GPR179: variants seen among roughly 807,000 people sequenced by gnomAD.
The protein encoded by GPR179 is probable G protein-coupled receptor 179.
In GPR179, 52 loss-of-function variants were observed where a neutral mutation model predicts 70.8. The ratio of observed to expected loss-of-function variants is 0.73; its 90% CI spans 0.59 to 0.93. GPR179 has a LOEUF of 0.93. GPR179 is among the 40% of genes least tolerant of loss of function. The probability of loss-of-function intolerance (pLI) is 0.00; values close to 1 mark genes in which losing one functional copy is unlikely to be tolerated. For synonymous variants in GPR179, 1,123 were observed against 1,169.0 expected (o/e 0.96, Z 0.80); for missense variants, 2,734 against 2,966.8 (o/e 0.92, Z 1.82).
chr17:38,337,534 C>G, intron 3 of GPR179, 99 bp downstream of exon 3: 1 of 1,066,318 alleles, frequency 9.4e-7, no homozygotes, highest in East Asian at 2.4e-5. Context: ...CAAGTTCCCT[C>G]CCAGTGTCTC....
rs768245694 is a variant in GPR179, at chr17:38,329,137, T to C, written c.4432A>G (p.Ile1478Val). The C allele has an allele frequency of 3.7e-6, 6 of 1,613,946 alleles. No homozygotes were observed. The highest frequency in any genetic ancestry group is 4.2e-6 in the Non-Finnish European group (5 of 1,179,994). ...TTATCATCCAGCTCCCAGGGACAGA[T>C]CTCTGCTTTCTGGATAGCAGGAGCA... ...GDAPAIQKAE[I>V]CPWELDDNVM... The change falls in exon 11 of 11, where the codon ATC becomes GTC. Residue 1478 changes from isoleucine to valine, a missense_variant. Transcript: ENST00000616987.
Position 38,336,094 on chromosome 17 carries a change from G to A in GPR179, c.1278C>T (p.Phe426=). Residue 426 remains phenylalanine (F), a synonymous_variant, in exon 5 of 11, where the codon TTC becomes TTT. Coordinates refer to ENST00000616987, the MANE Select transcript of GPR179 (RefSeq NM_001004334.4). ...VVLLETVLFG[F]LLLYFPVFIL... Reference sequence around the variant, plus strand: ...GACTCACAGGAAAGTAAAGCAGCAGGAATCCAAAAAGGACAGTTTCCAGCA... The same window carrying A: ...GACTCACAGGAAAGTAAAGCAGCAGAAATCCAAAAAGGACAGTTTCCAGCA... The A allele has an allele frequency of 6.2e-7, 1 of 1,613,396 alleles. No individual in the cohort carries two copies. Among genetic ancestry groups the A allele is most frequent in the Non-Finnish European group, 8.5e-7 (1 of 1,179,360 alleles).
Position 38,343,437 on chromosome 17 carries a change from A to G in GPR179, c.353T>C (p.Ile118Thr), listed in dbSNP as rs2037468172. The G allele has an allele frequency of 6.2e-7, 1 of 1,613,954 alleles. No homozygotes were observed. The highest frequency in any genetic ancestry group is 1.3e-5 in the African/African-American group (1 of 74,912). The part of the protein sequence containing the change: ...FLNMLLQAND[I>T]RESSVEEDVE... ...ATCCTCCTCCACACTGGACTCACGG[A>G]TGTCGTTGGCTTGCAGCAGCATGTT... The change falls in exon 1 of 11, where the codon ATC (isoleucine) becomes ACC (threonine). Residue 118 changes from isoleucine to threonine, a missense_variant. Physicochemically the swap from Ile to Thr is moderately conservative, Grantham distance 89. Transcript: ENST00000616987. The surrounding 1 kb of genome is among the most constrained non-coding windows in gnomAD (Gnocchi z 4.2).
chr17:38,341,987 C>T (rs1037836984), intron 1 of GPR179, among the ~76,000 whole-genome samples: 13 of 152,138 alleles, frequency 8.5e-5, no homozygotes, highest in Middle Eastern at 3.4e-3. Context: ...TATGATGATG[C>T]GCACCTGTAA....
chr17:38,327,144 TC>T lies in GPR179; in HGVS notation c.6424del (p.Glu2142LysfsTer93). On this transcript the variant is annotated frameshift_variant, in exon 11 of 11. Coordinates refer to ENST00000616987, the MANE Select transcript of GPR179 (RefSeq NM_001004334.4). LOFTEE classifies it low-confidence loss of function (END_TRUNC). ...PWEAGGGAAE[E>X]GEQERESQGQ... ...TTGTGATTCTCTTTCCTGTTCCCCT[TC>T]CTCTGCTGCTCCTCCACCCGCCTCC... 1 of 1,614,232 alleles carries T rather than the reference TC, an allele frequency of 6.2e-7. No individual in the cohort carries two copies. Among genetic ancestry groups the T allele is most frequent in the Non-Finnish European group, 8.5e-7 (1 of 1,180,036 alleles).
Position 38,330,604 on chromosome 17 carries a change from G to A in GPR179, c.2965C>T (p.Leu989Phe). ...VPVSPQSPNL[L>F]TYICPWENAE... ...TTCTCCCAGGGGCAGATGTAGGTGA[G>A]TAAGTTGGGGCTTTGTGGGGATACT... is the stretch of plus-strand genomic sequence containing the variant. Residue 989 changes from leucine (L) to phenylalanine (F), a missense_variant, in exon 11 of 11, where the codon CTC (leucine) becomes TTC (phenylalanine). Leu to Phe is a conservative substitution (Grantham distance 22). Transcript: ENST00000616987. 1.9e-6 allele frequency: 3 copies of A among 1,578,808 alleles called. No individual in the cohort carries two copies. The highest frequency in any genetic ancestry group is 2.6e-6 in the Non-Finnish European group (3 of 1,164,018).
In GPR179 at chr17:38,326,332, T is replaced by C. The variant is rs990504293; in HGVS notation, c.*133A>G. The C allele has an allele frequency of 2.3e-5, 15 of 658,682 alleles. No individual in the cohort carries two copies. The highest frequency in any genetic ancestry group is 3.6e-5 in the Non-Finnish European group (14 of 385,702). 40.8% of individuals were successfully genotyped at this position (658,682 alleles called of 1,614,324 possible). On this transcript the variant is annotated 3_prime_UTR_variant, in exon 11 of 11. Coordinates refer to ENST00000616987, the MANE Select transcript of GPR179 (RefSeq NM_001004334.4). Reference sequence around the variant, plus strand: ...TCATGCAGTTTGTCTTTGGGATGGGTTGACTTCTGGTCTTCTCAAGGAGGG... The same window carrying C: ...TCATGCAGTTTGTCTTTGGGATGGGCTGACTTCTGGTCTTCTCAAGGAGGG...
intron 3 of GPR179, among the ~76,000 whole-genome samples, 161 bp downstream of exon 3, chr17:38,337,472 A>G (rs2037415406): frequency 6.6e-6 from 1 of 151,962 alleles, no homozygotes; most frequent in African/African-American, 2.4e-5. Flanking sequence ...ACACCCCCAC[A>G]CTGCAACCTG....
In GPR179 at chr17:38,343,801, C is replaced by T. The variant is rs1200134828; in HGVS notation, c.-12G>A. 3 of 1,485,752 alleles carry T rather than the reference C, an allele frequency of 2.0e-6. No homozygotes were observed. The South Asian group carries it at 4.1e-5, about 20-fold the overall frequency. The allele number at this position is 1,485,752 out of a possible 1,614,324, so 92.0% of individuals were successfully genotyped here. A position where few individuals can be genotyped will look rare whatever the true frequency, so the allele number is the denominator to read the frequency against. ...CCCCTGGTGCCCATCCTTGGGGCAG[C>T]TCTCAGGACCCTGGGGTCCAGGCTC... On this transcript the variant is annotated 5_prime_UTR_variant, in exon 1 of 11. Transcript: ENST00000616987. This position sits in a 1 kb window ranked among gnomAD's most constrained non-coding sequence, Gnocchi z 4.2.
Position 38,331,363 on chromosome 17 carries a change from G to C in GPR179, c.2206C>G (p.Arg736Gly), listed in dbSNP as rs539498416. The change falls in exon 11 of 11, where the codon CGG (arginine) becomes GGG (glycine). Residue 736 changes from arginine to glycine, a missense_variant. Coordinates refer to ENST00000616987, the MANE Select transcript of GPR179 (RefSeq NM_001004334.4). ...FPEALARQHSRDSGSPGHGSL... is the reference protein window; with the variant it reads ...FPEALARQHSGDSGSPGHGSL... ...CCGTGGCCTGGGGATCCTGAGTCCCGGGAGTGCTGCCTGGCCAGGGCCTCG... is the reference window on the plus strand; with the variant it reads ...CCGTGGCCTGGGGATCCTGAGTCCCCGGAGTGCTGCCTGGCCAGGGCCTCG... 6.8e-6 allele frequency: 11 copies of C among 1,613,020 alleles called. No individual in the cohort carries two copies. The African/African-American group carries it at 1.3e-4, about 20-fold the overall frequency.
chr17:38,336,522 G>A (rs1303408311), intron 4 of GPR179, among the ~76,000 whole-genome samples: 3 of 152,174 alleles, frequency 2.0e-5, no homozygotes, highest in Non-Finnish European at 4.4e-5. Context: ...GGCCCAGTAA[G>A]TATCCAGTTA....
chr17:38,341,995 T>C (rs1435838486), intron 1 of GPR179, among the ~76,000 whole-genome samples: 1 of 152,042 alleles, frequency 6.6e-6, no homozygotes, highest in Non-Finnish European at 1.5e-5. Context: ...TGCGCACCTG[T>C]AATCCCAGCT....
Position 38,329,677 on chromosome 17 carries a change from C to T in GPR179, c.3892G>A (p.Glu1298Lys), listed in dbSNP as rs2037331713. Reference sequence around the variant, plus strand: ...ATCATGGGAACCACATCTATGGGCTCTGATTTTCCCCGGGCCTCCCCTCTC... The same window carrying T: ...ATCATGGGAACCACATCTATGGGCTTTGATTTTCCCCGGGCCTCCCCTCTC... The part of the protein sequence containing the change: ...KKRGEARGKS[E>K]PIDVVPMMRK... Residue 1298 changes from glutamate to lysine, a missense_variant, in exon 11 of 11, where the codon GAG becomes AAG. By Grantham distance (56) the Glu-to-Lys change is moderately conservative (BLOSUM62 1). Coordinates refer to ENST00000616987, the MANE Select transcript of GPR179 (RefSeq NM_001004334.4). The T allele has an allele frequency of 6.2e-7, 1 of 1,614,222 alleles. No homozygotes were observed.
At chr17:38,332,306 G>A (rs951530065) in intron 10 of GPR179, among the ~76,000 whole-genome samples, 6 of 152,226 alleles carry the variant, frequency 3.9e-5, no homozygotes, top group African/African-American at 1.4e-4. Context: ...GGCTTCCCAT[G>A]ATGGTTCCTA....
rs149349253 is a variant in GPR179 at position 38,343,893 on chromosome 17, G to A, written c.-104C>T. ...CGGCCTCCACGCCTCCTATGCTGGC[G>A]TTCCTTCTTCCTCTCTCCGTCTCCC... On this transcript the variant is annotated 5_prime_UTR_variant, in exon 1 of 11. In the 5' UTR this introduces an upstream ATG that the reference lacks. Transcript: ENST00000616987. This position sits in a 1 kb window ranked among gnomAD's most constrained non-coding sequence, Gnocchi z 4.2. The A allele has an allele frequency of 2.2e-3, 2,056 of 938,828 alleles. 22 individuals are homozygous for A. In the African/African-American group the frequency reaches 0.027, roughly 13 times the overall value. The allele number at this position is 938,828 out of a possible 1,614,324, so 58.2% of individuals were successfully genotyped here. A position where few individuals can be genotyped will look rare whatever the true frequency, so the allele number is the denominator to read the frequency against.
Position 38,326,151 on chromosome 17 carries a change from G to A in GPR179, c.*314C>T, listed in dbSNP as rs2037283430. On this transcript the variant is annotated 3_prime_UTR_variant, in exon 11 of 11. Coordinates refer to ENST00000616987, the MANE Select transcript of GPR179 (RefSeq NM_001004334.4). ...TCCCTAACAGTGGCTTTGTGGGTGA[G>A]TGTCCAGACTCGGGTGGTTTGTGTT... The A allele has an allele frequency of 3.2e-6, 1 of 312,678 alleles. No homozygotes were observed. The highest frequency in any genetic ancestry group is 4.5e-5 in the Admixed American group (1 of 22,118). 19.4% of individuals were successfully genotyped at this position (312,678 alleles called of 1,614,324 possible). A position where few individuals can be genotyped will look rare whatever the true frequency, so the allele number is the denominator to read the frequency against.
rs1205982736 is a variant in GPR179, at chr17:38,330,203, ACT to A, written c.3364_3365del (p.Ser1122TyrfsTer18). 3.2e-6 allele frequency: 5 copies of A among 1,566,306 alleles called. No individual in the cohort carries two copies. Among genetic ancestry groups the A allele is most frequent in the Non-Finnish European group, 4.3e-6 (5 of 1,155,542 alleles). On this transcript the variant is annotated frameshift_variant, in exon 11 of 11. Transcript: ENST00000616987. LOFTEE classifies it low-confidence loss of function (END_TRUNC). ...EGQNSGTAGESMGAPSRSPRL... is the reference protein window; with the variant it reads ...EGQNSGTAGEXMGAPSRSPRL... ...TGGGCGATCGGGAGGGTGCCCCCAT[ACT>A]CTCTCCCGCAGTCCCGCTGTTCTGC... is the stretch of plus-strand genomic sequence containing the variant.
chr17:38,327,252 C>G lies in GPR179; in HGVS notation c.6317G>C (p.Ser2106Thr). ...CACTTCCGCTACCCTGGTCTCCACA[C>G]TGCCTGCTGCCTCAGAACTGCCTCT... ...RSRGSSEAAG[S>T]VETRVAEVCL... Residue 2106 changes from serine (S) to threonine (T), a missense_variant, in exon 11 of 11, where the codon AGT (serine) becomes ACT (threonine). Coordinates refer to ENST00000616987, the MANE Select transcript of GPR179 (RefSeq NM_001004334.4). The G allele has an allele frequency of 1.9e-6, 3 of 1,614,278 alleles. No homozygotes were observed. The highest frequency in any genetic ancestry group is 2.5e-6 in the Non-Finnish European group (3 of 1,180,046).
chr17:38,327,666 G>T lies in GPR179; in HGVS notation c.5903C>A (p.Ser1968Tyr), dbSNP rs1685629070. ...CPWETTAPAD[S>Y]VSHLDRQRPD... ...GCGCTGTCTGTCTAGGTGAGAGACG[G>T]AATCTGCTGGGGCAGTGGTCTCCCA... Residue 1968 changes from serine to tyrosine, a missense_variant, in exon 11 of 11, where the codon TCC becomes TAC. Transcript: ENST00000616987. 6.2e-7 allele frequency: 1 copy of T among 1,614,112 alleles called. No homozygotes were observed. Among genetic ancestry groups the T allele is most frequent in the Admixed American group, 1.7e-5 (1 of 60,008 alleles).
Sources: gnomAD v4.1 joint callset for allele counts (sites outside exome capture counted in the v4.1 genomes callset) on GRCh38, gnomAD v4.1.1 for gene constraint, Gnocchi (gnomAD v3.1) non-coding constraint, MANE v1.5 for transcripts, NCBI Gene and HGNC (gene_info 2026-07-23, HGNC 2026-07-21) for gene names.